Variants in TCP11L2 observed in about 807,000 individuals in gnomAD.
The protein encoded by TCP11L2 is t-complex 11 like 2.
A neutral mutation model predicts 50.7 loss-of-function variants in TCP11L2; 39 were observed. The observed-to-expected ratio is 0.77, with a 90% CI of 0.60 to 1.01. TCP11L2 has a LOEUF of 1.01. Ranked by LOEUF, TCP11L2 falls within the 50% of genes least tolerant of loss-of-function variation. The pLI, the probability that TCP11L2 is intolerant of heterozygous loss-of-function variation, is 0.00. For missense variants in TCP11L2, 612 were observed against 614.7 expected, an observed-to-expected ratio of 1.00 and a Z score of 0.05; for synonymous variants, 192 against 219.3, an observed-to-expected ratio of 0.88 and a Z score of 1.10.
At chr12:106,312,326 C>G in intron 2 of TCP11L2, 1 of 819,026 alleles carries the variant, frequency 1.2e-6, no homozygotes, top group Non-Finnish European at 1.7e-6. Context: ...TGAAGCCTTT[C>G]TGGAAAGACT....
chr12:106,298,838 A>G (rs2034378250), upstream of TCP11L2, among the ~76,000 whole-genome samples: 1 of 137,552 alleles, frequency 7.3e-6, no homozygotes, highest in African/African-American at 2.8e-5. Context: ...TTTTTGTGAG[A>G]CCAGGTTTCA....
At chr12:106,324,807 A>G (rs1427512590) in intron 6 of TCP11L2, 1 of 152,182 alleles carries the variant, frequency 6.6e-6, no homozygotes, top group East Asian at 1.9e-4. Context: ...AACCGGGTGA[A>G]TGGTCATACA....
At chr12:106,305,109 G>A (rs770625900) in intron 1 of TCP11L2, among the ~76,000 whole-genome samples, 3 of 152,118 alleles carry the variant, frequency 2.0e-5, no homozygotes, top group Non-Finnish European at 4.4e-5. Context: ...TTAGGGATCC[G>A]CTTCCTGGAT....
chr12:106,314,242 C>T (rs1266671065), intron 2 of TCP11L2, 116 bp from the exon 3 acceptor site: 5 of 1,078,194 alleles, frequency 4.6e-6, no homozygotes, highest in Non-Finnish European at 6.6e-6. Flanking sequence ...GTCTCCTGAC[C>T]TATAAAACTC....
At chr12:106,331,112 G>A (rs973019072) in intron 6 of TCP11L2, among the ~76,000 whole-genome samples, 2 of 152,122 alleles carry the variant, frequency 1.3e-5, no homozygotes, top group African/African-American at 4.8e-5. Context: ...CAAGTTCAGT[G>A]ATTTCTTCCT....
chr12:106,329,563 A>G, intron 6 of TCP11L2: 1 of 1,412,780 alleles, frequency 7.1e-7, no homozygotes, highest in Non-Finnish European at 9.2e-7. Context: ...CTCAGACAGA[A>G]TAAATCAAAG....
intron 1 of TCP11L2, chr12:106,303,709 T>C (rs1378359634): frequency 6.6e-6 from 1 of 152,230 alleles, no homozygotes; most frequent in Non-Finnish European, 1.5e-5. Context: ...TTCGTTACTA[T>C]TAAGAAAATC....
intron 3 of TCP11L2, among the ~76,000 whole-genome samples, chr12:106,316,389 C>G (rs1314234858): frequency 6.6e-6 from 1 of 152,174 alleles, no homozygotes; most frequent in Non-Finnish European, 1.5e-5. Flanking sequence ...CCCCACTCCC[C>G]TGACCCCATC....
chr12:106,318,713 TTTG>T, intron 4 of TCP11L2, among the ~76,000 whole-genome samples: 1 of 152,198 alleles, frequency 6.6e-6, no homozygotes, highest in South Asian at 2.1e-4. Flanking sequence ...TTAGGGTCTT[TTTG>T]TTGTTTTGTT....
upstream of TCP11L2, among the ~76,000 whole-genome samples, chr12:106,299,932 T>C (rs35816179): frequency 0.29 from 44,059 of 151,992 alleles, 6,379 homozygotes; most frequent in African/African-American, 0.31. Flanking sequence ...AAAAAGAAAA[T>C]GAGTATTTCT....
intron 6 of TCP11L2, among the ~76,000 whole-genome samples, chr12:106,335,292 C>G (rs76645440): frequency 0.027 from 4,157 of 152,284 alleles, 215 homozygotes; most frequent in African/African-American, 0.095. Context: ...TGCTACAACC[C>G]TCTTACCCCT....
chr12:106,305,460 T>G (rs1315511888), intron 1 of TCP11L2, among the ~76,000 whole-genome samples: 1 of 151,984 alleles, frequency 6.6e-6, no homozygotes, highest in African/African-American at 2.4e-5. Context: ...GAGAGGAGAG[T>G]CATCGCTTCC....
At chr12:106,330,249 C>T (rs897537076) in intron 6 of TCP11L2, 1 of 985,116 alleles carries the variant, frequency 1.0e-6, no homozygotes, top group South Asian at 4.7e-5. Flanking sequence ...TCATTTAGTT[C>T]ATGATGTAAG....
At chr12:106,332,749 T>C (rs77096062) in intron 6 of TCP11L2, among the ~76,000 whole-genome samples, 54,187 of 151,722 alleles carry the variant, frequency 0.36, 10,132 homozygotes, top group African/African-American at 0.45. Context: ...AGCTCTTTTT[T>C]TTGTCTCCTC....
chr12:106,320,216 T>C (rs1006381443), intron 4 of TCP11L2, among the ~76,000 whole-genome samples: 4 of 152,098 alleles, frequency 2.6e-5, no homozygotes, highest in African/African-American at 9.7e-5. Flanking sequence ...CTGGCCAACA[T>C]GGTGACCCCA....
At chr12:106,306,440 T>C (rs1418240523) in intron 1 of TCP11L2, among the ~76,000 whole-genome samples, 1 of 152,206 alleles carries the variant, frequency 6.6e-6, no homozygotes, top group Non-Finnish European at 1.5e-5. Context: ...CCACAGTACA[T>C]TTCAACTTCA....
chr12:106,307,156 T>C (rs1428486697), intron 1 of TCP11L2: 1 of 152,230 alleles, frequency 6.6e-6, no homozygotes, highest in Non-Finnish European at 1.5e-5. Flanking sequence ...AATATTTGAA[T>C]AAATATTTGA....
upstream of TCP11L2, among the ~76,000 whole-genome samples, chr12:106,301,670 A>G (rs1037694792): frequency 1.1e-4 from 16 of 152,234 alleles, no homozygotes; most frequent in African/African-American, 3.4e-4. Flanking sequence ...ACTTCATGTA[A>G]GTAGTTCCTG....
At chr12:106,318,670 G>C (rs374302498) in intron 4 of TCP11L2, among the ~76,000 whole-genome samples, 1 of 152,224 alleles carries the variant, frequency 6.6e-6, no homozygotes, top group African/African-American at 2.4e-5. Flanking sequence ...TTCTTGCTGT[G>C]TCTTCACGTG....
Sources: allele counts gnomAD v4.1 joint callset (sites outside exome capture counted in the v4.1 genomes callset), GRCh38; gene constraint gnomAD v4.1.1; transcripts MANE v1.5; gene names NCBI Gene and HGNC (gene_info 2026-07-23, HGNC 2026-07-21).